Variants in DPP6 observed in about 807,000 individuals in gnomAD.
The protein encoded by DPP6 is A-type potassium channel modulatory protein DPP6.
DPP6 carries 69 observed loss-of-function variants against 122.6 expected under a neutral mutation model. That is an observed-to-expected ratio of 0.56 (90% confidence interval 0.46 to 0.69). The LOEUF is 0.69. Ranked by LOEUF, DPP6 falls within the 30% of genes least tolerant of loss-of-function variation. DPP6 has a pLI of 0.00. For missense variants in DPP6, 928 were observed against 1,116.9 expected (o/e 0.83, Z 2.41); for synonymous variants, 418 against 433.1 (o/e 0.97, Z 0.43).
the DPP6 span, among the ~76,000 whole-genome samples, chr7:153,756,981 A>T: frequency 1.3e-5 from 2 of 152,178 alleles, no homozygotes; most frequent in Admixed American, 1.3e-4. Context: ...ATTTTTTTTA[A>T]GTCAAAAGTT....
At chr7:153,779,980 T>A in the DPP6 span, among the ~76,000 whole-genome samples, 1 of 151,800 alleles carries the variant, frequency 6.6e-6, no homozygotes, top group Non-Finnish European at 1.5e-5. Context: ...ATTAATTTGT[T>A]TACCCCAATG....
intron 1 of DPP6, among the ~76,000 whole-genome samples, chr7:154,184,356 C>A (rs1395298249): frequency 6.6e-6 from 1 of 151,872 alleles, no homozygotes; most frequent in Admixed American, 6.6e-5. Context: ...CTCTCCACTC[C>A]CCTCTGATTC....
intron 1 of DPP6, among the ~76,000 whole-genome samples, chr7:154,329,876 C>T (rs1410825713): frequency 1.3e-5 from 2 of 152,144 alleles, no homozygotes; most frequent in East Asian, 3.9e-4. Flanking sequence ...ATGTCCTTTG[C>T]AGAGAAATGG....
chr7:154,013,685 GA>G (rs1226894284), intron 1 of DPP6, among the ~76,000 whole-genome samples: 2 of 151,928 alleles, frequency 1.3e-5, no homozygotes, highest in Non-Finnish European at 2.9e-5. Flanking sequence ...AAATAATTTT[GA>G]GCCTACTTTC....
chr7:154,866,140 A>G (rs1803856162), intron 17 of DPP6, among the ~76,000 whole-genome samples: 1 of 152,196 alleles, frequency 6.6e-6, no homozygotes, highest in African/African-American at 2.4e-5. Context: ...TTTCAAACAC[A>G]GGGCAGCACG....
At chr7:154,171,812 T>TTATATATA (rs58751437) in intron 1 of DPP6, among the ~76,000 whole-genome samples, 131 of 151,354 alleles carry the variant, frequency 8.7e-4, no homozygotes, top group Admixed American at 3.5e-3. Flanking sequence ...CCCACCATTC[T>TTATATATA]TATATGATAT....
At chr7:154,787,749 C>T (rs1797423771) in intron 10 of DPP6, among the ~76,000 whole-genome samples, 1 of 152,186 alleles carries the variant, frequency 6.6e-6, no homozygotes, top group Non-Finnish European at 1.5e-5. Flanking sequence ...GGTATGGTCT[C>T]TGCCATTATG....
At position 154,241,185 on chromosome 7, in the gene DPP6, A is replaced by ATGTGTGTG. The variant is rs1554498771; in HGVS notation, c.243+188150_243+188157dup. 0.01 allele frequency among the ~76,000 whole-genome samples: 1,402 copies of ATGTGTGTG among 136,254 alleles called. 22 individuals carry two copies. Among genetic ancestry groups the ATGTGTGTG allele is most frequent in the Middle Eastern group, 0.027 (7 of 264 alleles). The allele number at this position is 136,254 out of a possible 152,430, so 89.4% of individuals were successfully genotyped here. A position where few individuals can be genotyped will look rare whatever the true frequency, so the allele number is the denominator to read the frequency against. ...GCACAGTAGGTAATTCAATATCAAT[A>ATGTGTGTG]TGTGTGTGTGTGTGTGTGTGTGTGT... On this transcript the variant is annotated intron_variant, in intron 1 of 25. Coordinates refer to ENST00000377770, the MANE Select transcript of DPP6 (RefSeq NM_130797.4). This position sits in a 1 kb window ranked among gnomAD's most constrained non-coding sequence, Gnocchi z 9.0.
At chr7:154,566,455 A>AT (rs1387429450) in intron 4 of DPP6, among the ~76,000 whole-genome samples, 4 of 151,266 alleles carry the variant, frequency 2.6e-5, no homozygotes, top group Admixed American at 6.6e-5. Flanking sequence ...CTAATTTTGT[A>AT]TTTTTTTTCT....
chr7:153,987,854 T>A (rs1477458522), intron 1 of DPP6, among the ~76,000 whole-genome samples: 1 of 152,088 alleles, frequency 6.6e-6, no homozygotes, highest in Non-Finnish European at 1.5e-5. Context: ...GGGGCCTTCG[T>A]CTGGGAAACT....
chr7:154,217,494 A>T (rs920856597), intron 1 of DPP6, among the ~76,000 whole-genome samples: 1 of 152,194 alleles, frequency 6.6e-6, no homozygotes, highest in Non-Finnish European at 1.5e-5. Context: ...TTCCATGTGT[A>T]TTAGAAATAA....
At chr7:154,040,999 T>C (rs2533770) in intron 1 of DPP6, among the ~76,000 whole-genome samples, 1 of 152,098 alleles carries the variant, frequency 6.6e-6, no homozygotes, top group Non-Finnish European at 1.5e-5. Context: ...TCAACACAAC[T>C]TAAGTATAAA....
chr7:154,735,364 T>C (rs115438042), intron 8 of DPP6, among the ~76,000 whole-genome samples: 53 of 152,298 alleles, frequency 3.5e-4, no homozygotes, highest in African/African-American at 1.3e-3. Flanking sequence ...CTTAAAAAAA[T>C]TATATTCCAC....
intron 7 of DPP6, among the ~76,000 whole-genome samples, chr7:154,707,756 G>T (rs1840915762): frequency 6.6e-6 from 1 of 152,214 alleles, no homozygotes. Flanking sequence ...TTGACTCACA[G>T]TTCCTCGTGG....
intron 1 of DPP6, among the ~76,000 whole-genome samples, chr7:154,387,990 C>T (rs1023366410): frequency 6.6e-6 from 1 of 152,016 alleles, no homozygotes; most frequent in Non-Finnish European, 1.5e-5. Flanking sequence ...GAGTACATGG[C>T]ATGCAGTGGG....
At chr7:153,934,645 C>T (rs1801341060) in intron 1 of DPP6, among the ~76,000 whole-genome samples, 2 of 152,164 alleles carry the variant, frequency 1.3e-5, no homozygotes, top group South Asian at 2.1e-4. Flanking sequence ...TGTGTGTACA[C>T]ACTCACGTAC....
intron 1 of DPP6, among the ~76,000 whole-genome samples, chr7:154,280,632 A>C (rs1001521926): frequency 2.6e-5 from 4 of 152,244 alleles, no homozygotes; most frequent in Non-Finnish European, 5.9e-5. Flanking sequence ...TTTAATTAAT[A>C]ATAGTAATAA....
At chr7:154,189,021 T>A (rs1341636872) in intron 1 of DPP6, among the ~76,000 whole-genome samples, 1 of 152,214 alleles carries the variant, frequency 6.6e-6, no homozygotes, top group African/African-American at 2.4e-5. Flanking sequence ...CCTGGGTGTT[T>A]GTGTTCTTTG....
In DPP6 at chr7:154,887,702, G is replaced by A; in HGVS notation, c.2272G>A (p.Gly758Ser). 1 of 1,613,902 alleles carries A rather than the reference G, an allele frequency of 6.2e-7. No homozygotes were observed. Among genetic ancestry groups the A allele is most frequent in the Non-Finnish European group, 8.5e-7 (1 of 1,179,824 alleles). Reference sequence around the variant, plus strand: ...CTCTGCGTTTTCCGAGAGGTACTTGGGCCTCCATGGACTTGACAACAGAGC... The same window carrying A: ...CTCTGCGTTTTCCGAGAGGTACTTGAGCCTCCATGGACTTGACAACAGAGC... ...YASAFSERYLGLHGLDNRAYE... is the reference protein window; with the variant it reads ...YASAFSERYLSLHGLDNRAYE... Residue 758 changes from glycine to serine, a missense_variant, in exon 23 of 26, where the codon GGC (glycine) becomes AGC (serine). Physicochemically the swap from Gly to Ser is moderately conservative, Grantham distance 56. Coordinates refer to ENST00000377770, the MANE Select transcript of DPP6 (RefSeq NM_130797.4).
Sources: allele counts gnomAD v4.1 joint callset (sites outside exome capture counted in the v4.1 genomes callset), GRCh38; gene constraint gnomAD v4.1.1; non-coding constraint Gnocchi (gnomAD v3.1); transcripts MANE v1.5; gene names NCBI Gene and HGNC (gene_info 2026-07-23, HGNC 2026-07-21).